EIF3F: variants seen among roughly 807,000 people sequenced by gnomAD.
EIF3F encodes deubiquitinating enzyme eIF3f.
EIF3F carries 8 observed loss-of-function variants against 36.0 expected under a neutral mutation model. The observed-to-expected ratio is 0.22, with a 90% confidence interval of 0.13 to 0.40. The LOEUF (loss-of-function observed/expected upper bound fraction) is 0.40. Ranked by LOEUF, EIF3F falls within the 10% of genes least tolerant of loss-of-function variation. The probability of loss-of-function intolerance (pLI) is 1.00; values close to 1 mark genes in which losing one functional copy is unlikely to be tolerated. For missense variants in EIF3F, 430 were observed against 467.6 expected, an observed-to-expected ratio of 0.92 and a Z score of 0.74; for synonymous variants, 184 against 188.5, an observed-to-expected ratio of 0.98 and a Z score of 0.19.
intron 3 of EIF3F, chr11:7,992,374 C>G (rs1295407926): frequency 1.7e-6 from 1 of 588,108 alleles, no homozygotes; most frequent in East Asian, 2.9e-5. Flanking sequence ...CAAGATCAGC[C>G]TGAACAAAAT....
In EIF3F at chr11:7,997,687, A is replaced by G. The variant is rs959968738; in HGVS notation, c.*1665A>G. The G allele has an allele frequency of 4.6e-5, 7 of 152,204 alleles. No homozygotes were observed. The highest frequency in any genetic ancestry group is 1.4e-4 in the African/African-American group (6 of 41,436). The allele number at this position is 152,204 out of a possible 1,614,324, so 9.4% of individuals were successfully genotyped here. On this transcript the variant is annotated 3_prime_UTR_variant, in exon 8 of 8. Coordinates refer to ENST00000651655, the MANE Select transcript of EIF3F (RefSeq NM_003754.3). The stretch of plus-strand genomic sequence containing the variant: ...GAATGTTAATAATAATGTTGAATGA[A>G]AAAAGCTGGTGTCAGAAGACATGTA...
At chr11:7,995,805 A>T in intron 7 of EIF3F, 140 bp from the exon 8 acceptor site, 2 of 724,080 alleles carry the variant, frequency 2.8e-6, no homozygotes, top group Admixed American at 2.1e-5. Flanking sequence ...TACCTTTTTG[A>T]CTTTTATTCA....
chr11:7,994,498 C>T lies in EIF3F; in HGVS notation c.726C>T (p.Tyr242=), dbSNP rs7102030. The T allele has an allele frequency of 4.6e-4, 746 of 1,613,756 alleles. 3 individuals carry two copies. The African/African-American group carries it at 9.2e-3, about 20-fold the overall frequency. ...FTPLTVKYAY[Y]DTERIGVDLI... ...CTCTGACAGTGAAATACGCGTACTA[C>T]GACACTGAACGCATCGGAGGTGAGT... Residue 242 remains tyrosine (Y), a synonymous_variant, in exon 5 of 8, where the codon TAC becomes TAT. Coordinates refer to ENST00000651655, the MANE Select transcript of EIF3F (RefSeq NM_003754.3).
At chr11:7,989,045 T>C (rs1942060639) in intron 1 of EIF3F, among the ~76,000 whole-genome samples, 1 of 152,228 alleles carries the variant, frequency 6.6e-6, no homozygotes, top group South Asian at 2.1e-4. Context: ...CAAGTGCTTT[T>C]CCTGCTGTCC....
intron 3 of EIF3F, chr11:7,992,455 C>T: frequency 2.2e-6 from 1 of 457,332 alleles, no homozygotes; most frequent in Non-Finnish European, 3.9e-6. Flanking sequence ...ACCTATAGTC[C>T]TAGCTATTCA....
rs1221257488 is a variant in EIF3F at position 7,996,816 on chromosome 11, G to A, written c.*794G>A. ...AGGAAATTATACGTTGGAGTGAAAA[G>A]GTGAGTGAAGGCAATGGGGAATCAA... On this transcript the variant is annotated 3_prime_UTR_variant, in exon 8 of 8. Transcript: ENST00000651655. 1 of 152,222 alleles carries A rather than the reference G, an allele frequency of 6.6e-6. No individual in the cohort carries two copies. The highest frequency in any genetic ancestry group is 1.5e-5 in the Non-Finnish European group (1 of 68,044). 9.4% of individuals were successfully genotyped at this position (152,222 alleles called of 1,614,324 possible). A position where few individuals can be genotyped will look rare whatever the true frequency, so the allele number is the denominator to read the frequency against.
chr11:7,998,735 A>G lies in EIF3F; in HGVS notation c.*2713A>G, dbSNP rs1436803598. 1.3e-5 allele frequency: 2 copies of G among 152,230 alleles called. No homozygotes were observed. Among genetic ancestry groups the G allele is most frequent in the African/African-American group, 4.8e-5 (2 of 41,462 alleles). 9.4% of individuals were successfully genotyped at this position (152,230 alleles called of 1,614,324 possible). ...ATATATGATAAAAAACAAAAGAATGATAAAAATTCCCAATAATGTTTACTT... is the reference window on the plus strand; with the variant it reads ...ATATATGATAAAAAACAAAAGAATGGTAAAAATTCCCAATAATGTTTACTT... On this transcript the variant is annotated 3_prime_UTR_variant, in exon 8 of 8. Coordinates refer to ENST00000651655, the MANE Select transcript of EIF3F (RefSeq NM_003754.3).
intron 4 of EIF3F, 57 bp from the exon 5 acceptor site, chr11:7,994,369 T>A: frequency 6.7e-7 from 1 of 1,483,948 alleles, no homozygotes. Context: ...CAGCCCAGAA[T>A]AGACATGGAA....
In EIF3F at chr11:7,996,036, A is replaced by G. The variant is rs777775142; in HGVS notation, c.*14A>G. ...GTAAACCTGTGAATGGACCCCAAGC[A>G]GTACACTTGCTGGTCTAGGTATTAA... On this transcript the variant is annotated 3_prime_UTR_variant, in exon 8 of 8. Transcript: ENST00000651655. 4 of 1,613,234 alleles carry G rather than the reference A, an allele frequency of 2.5e-6. No homozygotes were observed. In the East Asian group the frequency reaches 8.9e-5, roughly 36 times the overall value.
At chr11:7,994,629 T>C (rs541109668) in intron 5 of EIF3F, 112 bp downstream of exon 5, 17 of 991,648 alleles carry the variant, frequency 1.7e-5, no homozygotes, top group Admixed American at 5.0e-5. Context: ...GGACTATTGA[T>C]CTAAGGTTTG....
rs753765986 is a variant in EIF3F at position 7,995,351 on chromosome 11, T to C, written c.980T>C (p.Leu327Pro). The change falls in exon 7 of 8, where the codon CTC becomes CCC. Residue 327 changes from leucine to proline, a missense_variant. Physicochemically the swap from Leu to Pro is moderately conservative, Grantham distance 98. This residue lies in a region of EIF3F where 262 missense variants were observed against 347.4 expected (regional missense o/e 0.75). Transcript: ENST00000651655. The stretch of plus-strand genomic sequence containing the variant: ...GTTCCCGATGACTTTGAGACCATGC[T>C]CAACAGCAACATCAATGTGAGTGCC... ...KIVPDDFETM[L>P]NSNINDLLMV... The C allele has an allele frequency of 6.2e-7, 1 of 1,614,078 alleles. No individual in the cohort carries two copies. The highest frequency in any genetic ancestry group is 8.5e-7 in the Non-Finnish European group (1 of 1,179,926).
rs546711035 is a variant in EIF3F, at chr11:7,987,389, G to C, written c.37G>C (p.Ala13Pro). The C allele has an allele frequency of 1.4e-5, 23 of 1,599,108 alleles. No homozygotes were observed. The African/African-American group carries it at 2.9e-4, about 20-fold the overall frequency. The change falls in exon 1 of 8, where the codon GCC (alanine) becomes CCC (proline). Residue 13 changes from alanine to proline, a missense_variant. By Grantham distance (27) the Ala-to-Pro change is conservative. Around this residue, in one of 2 missense-constraint regions of EIF3F, gnomAD observed 168 missense variants for 120.2 expected, o/e 1.40. Transcript: ENST00000651655. ...GGCGGTACCAGTAAGTGCTCCTCCG[G>C]CCACGCCAACCCCAGTCCCGGCGGC... ...TPAVPVSAPPATPTPVPAAAP... is the reference protein window; with the variant it reads ...TPAVPVSAPPPTPTPVPAAAP...
At chr11:7,990,925 T>C (rs540746055) in intron 1 of EIF3F, among the ~76,000 whole-genome samples, 2 of 151,904 alleles carry the variant, frequency 1.3e-5, no homozygotes, top group African/African-American at 4.8e-5. Flanking sequence ...CTGGGCACCA[T>C]GGCTCACACT....
rs201463294 is a variant in EIF3F at position 7,992,976 on chromosome 11, T to G, written c.605T>G (p.Val202Gly). ...REAPNPIHLT[V>G]DTSLQNGRMS... The stretch of plus-strand genomic sequence containing the variant: ...GCCCCCAACCCCATCCACCTCACTG[T>G]GGACACAAGTCTCCAGAACGGCCGC... The change falls in exon 4 of 8, where the codon GTG becomes GGG. Residue 202 changes from valine to glycine, a missense_variant. Transcript: ENST00000651655. 8 of 1,612,196 alleles carry G rather than the reference T, an allele frequency of 5.0e-6. No homozygotes were observed. The highest frequency in any genetic ancestry group is 6.8e-6 in the Non-Finnish European group (8 of 1,179,180).
At chr11:7,993,050 G>T (rs772880147) in intron 4 of EIF3F, 26 bp downstream of exon 4, 1 of 1,537,770 alleles carries the variant, frequency 6.5e-7, no homozygotes, top group Non-Finnish European at 8.7e-7. Flanking sequence ...GGCTACAAGG[G>T]CATAAAACCA....
At chr11:7,993,156 A>G (rs1414303952) in intron 4 of EIF3F, 132 bp downstream of exon 4, 1 of 1,046,304 alleles carries the variant, frequency 9.6e-7, no homozygotes, top group African/African-American at 1.7e-5. Flanking sequence ...CTCTCTCAAC[A>G]GTTATTCTAA....
chr11:7,998,378 TCA>T lies in EIF3F; in HGVS notation c.*2359_*2360del, dbSNP rs1942185902. The T allele has an allele frequency of 6.6e-6, 1 of 152,222 alleles. No homozygotes were observed. The highest frequency in any genetic ancestry group is 1.5e-5 in the Non-Finnish European group (1 of 68,050). The allele number at this position is 152,222 out of a possible 1,614,324, so 9.4% of individuals were successfully genotyped here. A position where few individuals can be genotyped will look rare whatever the true frequency, so the allele number is the denominator to read the frequency against. ...TACCTCAGTTTCTCCAGGCGGCACA[TCA>T]CAGTCTTCTTGCACTTAGGAACACT... On this transcript the variant is annotated 3_prime_UTR_variant, in exon 8 of 8. Coordinates refer to ENST00000651655, the MANE Select transcript of EIF3F (RefSeq NM_003754.3).
intron 5 of EIF3F, 52 bp downstream of exon 5, chr11:7,994,569 G>C (rs756483530): frequency 1.9e-6 from 3 of 1,547,056 alleles, no homozygotes; most frequent in Non-Finnish European, 2.7e-6. Flanking sequence ...TTTCAGGGAA[G>C]GGGGCTGCTA....
Position 7,997,591 on chromosome 11 carries a change from T to C in EIF3F, c.*1569T>C, listed in dbSNP as rs1054601886. On this transcript the variant is annotated 3_prime_UTR_variant, in exon 8 of 8. Transcript: ENST00000651655. ...AATATTAAAACAAACCCCAATCATATGCTGTTTACAGGAGACACATCTAAA... is the reference window on the plus strand; with the variant it reads ...AATATTAAAACAAACCCCAATCATACGCTGTTTACAGGAGACACATCTAAA... The C allele has an allele frequency of 6.6e-6, 1 of 152,216 alleles. No individual in the cohort carries two copies. Among genetic ancestry groups the C allele is most frequent in the Non-Finnish European group, 1.5e-5 (1 of 68,046 alleles). 9.4% of individuals were successfully genotyped at this position (152,216 alleles called of 1,614,324 possible).
Sources: allele counts gnomAD v4.1 joint callset (sites outside exome capture counted in the v4.1 genomes callset), GRCh38; gene constraint gnomAD v4.1.1; regional missense constraint gnomAD v4.1.1; transcripts MANE v1.5; gene names NCBI Gene and HGNC (gene_info 2026-07-23, HGNC 2026-07-21).